CDK13: variants seen among roughly 807,000 people sequenced by gnomAD.
The protein encoded by CDK13 is cyclin-dependent kinase 13.
Under a neutral mutation model 137.6 loss-of-function variants are expected in CDK13, and 40 were observed. The ratio of observed to expected loss-of-function variants is 0.29; its 90% CI spans 0.23 to 0.38. The LOEUF (loss-of-function observed/expected upper bound fraction) is 0.38, where lower values mean the gene tolerates loss of function less well. Among genes scored for constraint, CDK13 ranks in the 10% least tolerant of loss-of-function variants. The pLI, the probability that CDK13 is intolerant of heterozygous loss-of-function variation, is 1.00. For synonymous variants in CDK13, 869 were observed against 760.1 expected, an observed-to-expected ratio of 1.14 and a Z score of -2.36; for missense variants, 1,704 against 1,951.8, an observed-to-expected ratio of 0.87 and a Z score of 2.39.
intron 5 of CDK13, among the ~76,000 whole-genome samples, chr7:40,030,274 T>TAG (rs70996874): frequency 6.8e-5 from 10 of 147,550 alleles, no homozygotes; most frequent in African/African-American, 1.0e-4. Flanking sequence ...TATATATATA[T>TAG]AGAGAGAGAG....
intron 2 of CDK13, among the ~76,000 whole-genome samples, chr7:39,996,398 T>G (rs537361599): frequency 6.6e-6 from 1 of 152,282 alleles, no homozygotes; most frequent in South Asian, 2.1e-4. Flanking sequence ...CTTTGTCATA[T>G]CAGGGAAATT....
At chr7:40,026,243 A>G (rs999339564) in intron 5 of CDK13, among the ~76,000 whole-genome samples, 2 of 152,234 alleles carry the variant, frequency 1.3e-5, no homozygotes, top group Non-Finnish European at 2.9e-5. Context: ...ATGCAGTGGC[A>G]CATGCCTGTA....
chr7:39,993,421 C>T (rs1373264204), intron 2 of CDK13, among the ~76,000 whole-genome samples: 1 of 152,030 alleles, frequency 6.6e-6, no homozygotes, highest in East Asian at 1.9e-4. Flanking sequence ...GACATGACCT[C>T]GTTTGTTTTT....
intron 9 of CDK13, chr7:40,069,992 G>T (rs1407668428): frequency 6.9e-6 from 1 of 144,662 alleles, no homozygotes; most frequent in South Asian, 2.2e-4. Context: ...AGGCGGACAG[G>T]TCATGAGGTC....
At chr7:40,046,207 T>C (rs1785736593) in intron 6 of CDK13, among the ~76,000 whole-genome samples, 182 bp downstream of exon 6, 1 of 152,188 alleles carries the variant, frequency 6.6e-6, no homozygotes, top group African/African-American at 2.4e-5. Context: ...CCCCTACTAT[T>C]ACACTTGTAA....
At chr7:40,092,468 C>CATT (rs1163423573) in intron 12 of CDK13, 1 of 283,536 alleles carries the variant, frequency 3.5e-6, no homozygotes, top group East Asian at 7.7e-5. Flanking sequence ...TCATCATTAT[C>CATT]ATTATTCATT....
chr7:39,981,950 C>A (rs1316400868), intron 1 of CDK13, among the ~76,000 whole-genome samples: 3 of 122,724 alleles, frequency 2.4e-5, no homozygotes, highest in African/African-American at 5.1e-5. Flanking sequence ...CGCCACTACG[C>A]CCGGCTAATT....
chr7:39,950,851 A>AGCCGCCGCCGCCGCG lies in CDK13; in HGVS notation c.214_228dup (p.Ala72_Ala76dup). The AGCCGCCGCCGCCGCG allele has an allele frequency of 1.5e-6, 2 of 1,370,572 alleles. No homozygotes were observed. The highest frequency in any genetic ancestry group is 9.3e-7 in the Non-Finnish European group (1 of 1,072,734). The allele number at this position is 1,370,572 out of a possible 1,614,324, so 84.9% of individuals were successfully genotyped here. On this transcript the variant is annotated inframe_insertion, in exon 1 of 14. Coordinates refer to ENST00000181839, the MANE Select transcript of CDK13 (RefSeq NM_003718.5). ...CTGCTCCCGGCACGGCCGCCGCCGC[A>AGCCGCCGCCGCCGCG]GCCGCCGCCGCCGCGGCCTCCTCCT...
intron 7 of CDK13, among the ~76,000 whole-genome samples, chr7:40,056,756 A>G (rs1453716131): frequency 6.6e-6 from 1 of 152,248 alleles, no homozygotes; most frequent in Admixed American, 6.5e-5. Flanking sequence ...TAATTATATC[A>G]TAAGGATGTA....
At chr7:39,977,998 T>G (rs1008126314) in intron 1 of CDK13, among the ~76,000 whole-genome samples, 2 of 151,960 alleles carry the variant, frequency 1.3e-5, no homozygotes. Context: ...CAGAATAGGG[T>G]GTATTTAAGG....
At position 39,951,242 on chromosome 7, in the gene CDK13, G is replaced by A. The variant is rs912173381; in HGVS notation, c.601G>A (p.Asp201Asn). Residue 201 changes from aspartate to asparagine, a missense_variant, in exon 1 of 14, where the codon GAC (aspartate) becomes AAC (asparagine). Physicochemically the swap from Asp to Asn is conservative, Grantham distance 23. Transcript: ENST00000181839. The stretch of plus-strand genomic sequence containing the variant: ...GGGGTCGGAGCGCAGGCCCCGCCGG[G>A]ACCGCCGCAGCAGCAGTGGCCGCAG... ...GEGSERRPRR[D>N]RRSSSGRSKE... The A allele has an allele frequency of 1.2e-5, 15 of 1,288,848 alleles. No individual in the cohort carries two copies. The African/African-American group carries it at 2.2e-4, about 19-fold the overall frequency. 79.8% of individuals were successfully genotyped at this position (1,288,848 alleles called of 1,614,324 possible). A position where few individuals can be genotyped will look rare whatever the true frequency, so the allele number is the denominator to read the frequency against.
intron 5 of CDK13, among the ~76,000 whole-genome samples, chr7:40,011,608 C>T (rs1308001698): frequency 6.6e-6 from 1 of 152,094 alleles, no homozygotes; most frequent in Non-Finnish European, 1.5e-5. Flanking sequence ...AGTTGGACCC[C>T]TTCATACCTC....
rs557154414 is a variant in CDK13, at chr7:40,088,845, T to C, written c.3235+514T>C. 2.7e-3 allele frequency among the ~76,000 whole-genome samples: 405 copies of C among 151,720 alleles called. 1 individual carries two copies. Among genetic ancestry groups the C allele is most frequent in the Non-Finnish European group, 4.6e-3 (310 of 67,890 alleles). On this transcript the variant is annotated intron_variant, in intron 12 of 13. Transcript: ENST00000181839. ...CTGTAATCCTAGCACTTTGGGAGAC[T>C]GAGGCGGATGGATCACCTGAGATCA...
chr7:39,992,672 C>G (rs1039000928), intron 2 of CDK13, among the ~76,000 whole-genome samples: 1 of 151,784 alleles, frequency 6.6e-6, no homozygotes, highest in African/African-American at 2.4e-5. Flanking sequence ...GTACTCCCCC[C>G]CTACCCCCTG....
chr7:40,050,721 TG>T (rs1257446668), intron 7 of CDK13, among the ~76,000 whole-genome samples: 1 of 152,210 alleles, frequency 6.6e-6, no homozygotes, highest in East Asian at 1.9e-4. Flanking sequence ...TAAATTAATG[TG>T]GCTATTATTT....
At chr7:39,976,332 C>CACACAA (rs1784111203) in intron 1 of CDK13, among the ~76,000 whole-genome samples, 1 of 134,770 alleles carries the variant, frequency 7.4e-6, no homozygotes, top group Admixed American at 7.8e-5. Flanking sequence ...CTCACACACA[C>CACACAA]ACACACACAC....
At chr7:40,003,206 A>ACACACTCTCTCT (rs374470130) in intron 5 of CDK13, among the ~76,000 whole-genome samples, 32 of 79,898 alleles carry the variant, frequency 4.0e-4, no homozygotes, top group African/African-American at 1.4e-3. Flanking sequence ...ACACACACAC[A>ACACACTCTCTCT]CTCTCTCTCT....
intron 1 of CDK13, among the ~76,000 whole-genome samples, chr7:39,965,403 G>A (rs1345231798): frequency 6.6e-6 from 1 of 152,024 alleles, no homozygotes; most frequent in African/African-American, 2.4e-5. Flanking sequence ...ATCTTTGTTG[G>A]CTTAAAGTCT....
intron 5 of CDK13, among the ~76,000 whole-genome samples, chr7:40,027,786 G>A (rs538397993): frequency 1.3e-5 from 2 of 150,332 alleles, no homozygotes; most frequent in East Asian, 2.0e-4. Flanking sequence ...GTTCTCTTAC[G>A]AGGTTGAGAC....
Sources: allele counts gnomAD v4.1 joint callset (sites outside exome capture counted in the v4.1 genomes callset), GRCh38; gene constraint gnomAD v4.1.1; transcripts MANE v1.5; gene names NCBI Gene and HGNC (gene_info 2026-07-23, HGNC 2026-07-21).